ANOS1: variants seen among roughly 807,000 people sequenced by gnomAD.
ANOS1 encodes anosmin 1, also known as anosmin-1.
ANOS1 carries 6 observed loss-of-function variants against 59.0 expected under a neutral mutation model. That is an observed-to-expected ratio of 0.10 (90% confidence interval 0.06 to 0.20). ANOS1 has a LOEUF of 0.20. ANOS1 is among the 10% of genes least tolerant of loss of function. The pLI is 1.00. For missense variants in ANOS1, 433 were observed against 542.3 expected, an observed-to-expected ratio of 0.80 and a Z score of 2.00; for synonymous variants, 217 against 223.4, an observed-to-expected ratio of 0.97 and a Z score of 0.25.
chrX:8,537,815 T>C (rs1929622430), intron 10 of ANOS1, among the ~76,000 whole-genome samples: 1 of 109,731 alleles, frequency 9.1e-6, no homozygotes, highest in African/African-American at 3.3e-5. Context: ...GGAAAAAAAG[T>C]ACAGATGGAA....
chrX:8,570,056 C>T (rs1930199311), intron 7 of ANOS1, among the ~76,000 whole-genome samples: 1 of 107,049 alleles, frequency 9.3e-6, no homozygotes, highest in African/African-American at 3.4e-5. Context: ...TGTTACTGCT[C>T]AGTGATTAGA....
intron 1 of ANOS1, among the ~76,000 whole-genome samples, chrX:8,721,845 T>C (rs2146911832): frequency 8.9e-6 from 1 of 112,508 alleles, no homozygotes; most frequent in East Asian, 2.8e-4. Flanking sequence ...CTCTAACAAG[T>C]TCCCAAAGTC....
intron 1 of ANOS1, among the ~76,000 whole-genome samples, chrX:8,712,359 C>T (rs1272944425): frequency 8.9e-6 from 1 of 111,982 alleles, no homozygotes; most frequent in East Asian, 2.8e-4. Context: ...TCTCTAACGA[C>T]GTTATTTCCA....
intron 2 of ANOS1, among the ~76,000 whole-genome samples, chrX:8,666,227 G>GA (rs1403495175): frequency 9.1e-6 from 1 of 110,114 alleles, no homozygotes; most frequent in African/African-American, 3.3e-5. Flanking sequence ...TAAAAGAAAA[G>GA]AAAAAAATCC....
At chrX:8,581,313 C>T (rs1004269969) in intron 6 of ANOS1, among the ~76,000 whole-genome samples, 4 of 111,401 alleles carry the variant, frequency 3.6e-5, no homozygotes, top group Admixed American at 9.6e-5. Context: ...CTCTTGCTGC[C>T]ACCATGTAAG....
chrX:8,648,576 C>T (rs1931799804), intron 2 of ANOS1, among the ~76,000 whole-genome samples: 1 of 111,157 alleles, frequency 9.0e-6, no homozygotes, highest in African/African-American at 3.3e-5. Flanking sequence ...AACTATTTGC[C>T]ATAAATCTAG....
intron 2 of ANOS1, among the ~76,000 whole-genome samples, chrX:8,646,856 C>T (rs770867107): frequency 3.8e-5 from 4 of 106,527 alleles, no homozygotes; most frequent in Non-Finnish European, 7.7e-5. Context: ...TTACTTGAAC[C>T]CAGGAGGTGG....
At chrX:8,708,061 T>C (rs1195261256) in intron 1 of ANOS1, among the ~76,000 whole-genome samples, 1 of 111,449 alleles carries the variant, frequency 9.0e-6, no homozygotes, top group African/African-American at 3.3e-5. Flanking sequence ...CCATCTCTAC[T>C]AAAAATACAA....
chrX:8,712,930 G>C (rs1486703838), intron 1 of ANOS1, among the ~76,000 whole-genome samples: 3 of 111,600 alleles, frequency 2.7e-5, no homozygotes, highest in South Asian at 3.8e-4. Context: ...TCAGCTTTAT[G>C]TTCCTGATCT....
rs1022810446 is a variant in ANOS1, at chrX:8,570,927, C to T, written c.857-223G>A. Among the ~76,000 whole-genome samples the T allele has an allele frequency of 3.6e-5, 4 of 109,806 alleles. No homozygotes were observed. The Admixed American group carries it at 3.9e-4, about 11-fold the overall frequency. On this transcript the variant is annotated intron_variant, in intron 6 of 13. Coordinates refer to ENST00000262648, the MANE Select transcript of ANOS1 (RefSeq NM_000216.4). ...AGGAGTTTGAGGACAGCCTGGGCAA[C>T]ATAGTGAAACCCTGTCTCTACAAAA...
intron 4 of ANOS1, among the ~76,000 whole-genome samples, chrX:8,592,236 C>T (rs1042956462): frequency 3.6e-5 from 4 of 111,754 alleles, no homozygotes; most frequent in African/African-American, 1.3e-4. Context: ...GTAATTAGAA[C>T]TCTAGAATTT....
At chrX:8,682,688 C>T (rs1292630290) in intron 2 of ANOS1, among the ~76,000 whole-genome samples, 6 of 111,009 alleles carry the variant, frequency 5.4e-5, no homozygotes, top group South Asian at 7.6e-4. Context: ...TTCATCCCCA[C>T]GCTGTATTAC....
intron 1 of ANOS1, among the ~76,000 whole-genome samples, chrX:8,708,484 A>G (rs1222338990): frequency 8.9e-6 from 1 of 112,180 alleles, no homozygotes; most frequent in African/African-American, 3.2e-5. Flanking sequence ...AAAAGAAGAC[A>G]TTTATGTGGC....
rs186895750 is a variant in ANOS1 at position 8,584,591 on chromosome X, T to C, written c.856+676A>G. Among the ~76,000 whole-genome samples, 45 of 112,023 alleles carry C rather than the reference T, an allele frequency of 4.0e-4. 1 individual carries two copies. Among genetic ancestry groups the C allele is most frequent in the African/African-American group, 1.2e-3 (38 of 30,913 alleles). ...ACTAATCTGTATTTATGAAACCAGATCCTTATAATTAGTCAAGCAGATGTC... is the reference window on the plus strand; with the variant it reads ...ACTAATCTGTATTTATGAAACCAGACCCTTATAATTAGTCAAGCAGATGTC... On this transcript the variant is annotated intron_variant, in intron 6 of 13. Coordinates refer to ENST00000262648, the MANE Select transcript of ANOS1 (RefSeq NM_000216.4).
chrX:8,570,365 A>G (rs1243715053), intron 7 of ANOS1, 134 bp downstream of exon 7: 2 of 582,759 alleles, frequency 3.4e-6, no homozygotes, highest in African/African-American at 2.3e-5. Flanking sequence ...CTTCCTCGGT[A>G]GAAATGAATG....
chrX:8,653,747 C>T (rs1262798549), intron 2 of ANOS1, among the ~76,000 whole-genome samples: 3 of 111,672 alleles, frequency 2.7e-5, no homozygotes, highest in East Asian at 2.8e-4. Flanking sequence ...GTCTGTCTCA[C>T]GCTAGAAGGG....
chrX:8,638,969 G>A (rs1292526714), intron 2 of ANOS1, among the ~76,000 whole-genome samples: 1 of 111,161 alleles, frequency 9.0e-6, no homozygotes, highest in Non-Finnish European at 1.9e-5. Context: ...AGACATGTAC[G>A]TTTCCTTTAT....
intron 4 of ANOS1, among the ~76,000 whole-genome samples, chrX:8,594,695 T>TATATATATATAC (rs1569058385): frequency 1.7e-5 from 1 of 59,255 alleles, no homozygotes; most frequent in Non-Finnish European, 2.9e-5. Flanking sequence ...TATATATATA[T>TATATATATATAC]ATACACATAT....
intron 9 of ANOS1, among the ~76,000 whole-genome samples, chrX:8,540,317 T>C (rs1447576549): frequency 9.0e-6 from 1 of 111,556 alleles, no homozygotes; most frequent in East Asian, 2.8e-4. Flanking sequence ...ATAAAGAAGT[T>C]CTTTTGTCCA....
Sources: gnomAD v4.1 joint callset for allele counts (sites outside exome capture counted in the v4.1 genomes callset) on GRCh38, gnomAD v4.1.1 for gene constraint, MANE v1.5 for transcripts, NCBI Gene and HGNC (gene_info 2026-07-23, HGNC 2026-07-21) for gene names.